ST6GALNAC5: variants seen among roughly 807,000 people sequenced by gnomAD.
The protein encoded by ST6GALNAC5 is alpha-N-acetylgalactosaminide alpha-2,6-sialyltransferase 5.
ST6GALNAC5 carries 27 observed loss-of-function variants against 33.6 expected under a neutral mutation model. That is an observed-to-expected ratio of 0.80 (90% CI 0.59 to 1.11). The LOEUF is 1.11. Ranked by LOEUF, ST6GALNAC5 falls within the 50% of genes least tolerant of loss-of-function variation. The pLI is 0.00. For synonymous variants in ST6GALNAC5, 194 were observed against 171.2 expected (o/e 1.13, Z -1.04); for missense variants, 428 against 454.0 (o/e 0.94, Z 0.52).
chr1:76,973,126 T>C (rs858593), intron 2 of ST6GALNAC5, among the ~76,000 whole-genome samples: 77,599 of 151,832 alleles, frequency 0.51, 20,206 homozygotes, highest in African/African-American at 0.61. Context: ...ATTTGCTTGC[T>C]TCTGGTTTTG....
At chr1:77,020,248 G>T (rs1006984393) in intron 2 of ST6GALNAC5, among the ~76,000 whole-genome samples, 1 of 152,184 alleles carries the variant, frequency 6.6e-6, no homozygotes, top group Admixed American at 6.5e-5. Flanking sequence ...TAAGTGCCGA[G>T]AATGTGGTTC....
chr1:77,009,546 G>A (rs1042683662), intron 2 of ST6GALNAC5, among the ~76,000 whole-genome samples: 4 of 152,014 alleles, frequency 2.6e-5, no homozygotes, highest in African/African-American at 9.7e-5. Context: ...GAGAGTGAAA[G>A]GCAAACTTTT....
chr1:77,010,675 C>A (rs1234394118), intron 2 of ST6GALNAC5, among the ~76,000 whole-genome samples: 1 of 127,004 alleles, frequency 7.9e-6, no homozygotes, highest in African/African-American at 3.0e-5. Context: ...CTCTAGGAGG[C>A]CAGGAGGCGC....
At chr1:76,873,229 A>T (rs1045226997) in intron 2 of ST6GALNAC5, among the ~76,000 whole-genome samples, 7 of 152,214 alleles carry the variant, frequency 4.6e-5, no homozygotes, top group Admixed American at 2.0e-4. Flanking sequence ...TCATTCAGTC[A>T]TCAGGTCACA....
chr1:77,032,851 T>C (rs1202588885), intron 2 of ST6GALNAC5, among the ~76,000 whole-genome samples: 2 of 152,190 alleles, frequency 1.3e-5, no homozygotes, highest in Non-Finnish European at 2.9e-5. Flanking sequence ...CTTTTGCATT[T>C]GACCATTAAT....
intron 2 of ST6GALNAC5, among the ~76,000 whole-genome samples, chr1:76,969,910 G>C (rs144519898): frequency 2.6e-5 from 4 of 152,014 alleles, no homozygotes; most frequent in African/African-American, 4.8e-5. Flanking sequence ...AGGCAAACAG[G>C]GTCTGGAGTG....
At chr1:76,990,943 C>T (rs1649698740) in intron 2 of ST6GALNAC5, among the ~76,000 whole-genome samples, 1 of 152,110 alleles carries the variant, frequency 6.6e-6, no homozygotes, top group South Asian at 2.1e-4. Flanking sequence ...AAGAGTATTG[C>T]ATAGCTAGGG....
chr1:77,012,954 T>C (rs1365586547), intron 2 of ST6GALNAC5, among the ~76,000 whole-genome samples: 1 of 152,108 alleles, frequency 6.6e-6, no homozygotes. Context: ...ACTTTAAACT[T>C]CTTAAGGGTT....
At chr1:76,973,793 T>A (rs963069266) in intron 2 of ST6GALNAC5, among the ~76,000 whole-genome samples, 1 of 152,178 alleles carries the variant, frequency 6.6e-6, no homozygotes, top group Admixed American at 6.5e-5. Context: ...GACTCAATTG[T>A]CCAAATATTG....
chr1:77,046,488 T>C (rs1449499173), intron 3 of ST6GALNAC5, among the ~76,000 whole-genome samples: 1 of 152,182 alleles, frequency 6.6e-6, no homozygotes, highest in Non-Finnish European at 1.5e-5. Flanking sequence ...GAGAAAGAGC[T>C]GGCTGTTGGC....
At chr1:76,977,761 T>C (rs751981006) in intron 2 of ST6GALNAC5, among the ~76,000 whole-genome samples, 6 of 152,228 alleles carry the variant, frequency 3.9e-5, no homozygotes, top group Non-Finnish European at 8.8e-5. Context: ...ATCTTTGCTA[T>C]TGTGAATAGC....
In ST6GALNAC5 at chr1:77,052,845, G is replaced by A. The variant is rs1028664116; in HGVS notation, c.779+2480G>A. Among the ~76,000 whole-genome samples, 3 of 150,428 alleles carry A rather than the reference G, an allele frequency of 2.0e-5. No homozygotes were observed. The East Asian group carries it at 5.9e-4, about 29-fold the overall frequency. On this transcript the variant is annotated intron_variant, in intron 4 of 4. Coordinates refer to ENST00000477717, the MANE Select transcript of ST6GALNAC5 (RefSeq NM_030965.3). ...GAGCATGAGAATCGCTTGAACCTGGGAGGCGGAGGATGCAGTGAGCCGAGA... is the reference window on the plus strand; with the variant it reads ...GAGCATGAGAATCGCTTGAACCTGGAAGGCGGAGGATGCAGTGAGCCGAGA...
In ST6GALNAC5 at chr1:77,044,334, A is replaced by G. The variant is rs1387818430; in HGVS notation, c.392A>G (p.Tyr131Cys). 9 of 1,613,882 alleles carry G rather than the reference A, an allele frequency of 5.6e-6. No homozygotes were observed. Among genetic ancestry groups the G allele is most frequent in the South Asian group, 1.1e-5 (1 of 91,082 alleles). ...ATGAATGACGCCCCCACACGCGGCT[A>G]TGGGCGTGACGTGGGCAATCGCACC... is the stretch of plus-strand genomic sequence containing the variant. ...IRMNDAPTRG[Y>C]GRDVGNRTSL... is the part of the protein sequence containing the mutation. Residue 131 changes from tyrosine to cysteine, a missense_variant, in exon 3 of 5, where the codon TAT becomes TGT. By Grantham distance (194) the Tyr-to-Cys change is radical. Coordinates refer to ENST00000477717, the MANE Select transcript of ST6GALNAC5 (RefSeq NM_030965.3).
chr1:77,034,711 G>C (rs1651587044), intron 2 of ST6GALNAC5, among the ~76,000 whole-genome samples: 1 of 152,220 alleles, frequency 6.6e-6, no homozygotes, highest in African/African-American at 2.4e-5. Flanking sequence ...AGGTGGTGCA[G>C]AGGAAGGCAG....
Position 76,868,425 on chromosome 1 carries a change from G to T in ST6GALNAC5, c.16-72G>T. Reference sequence around the variant, plus strand: ...CCACTAGAGTGACCACCGCACAGTTGTCCCCGCTGGGCGCGCTCCTCCGGT... The same window carrying T: ...CCACTAGAGTGACCACCGCACAGTTTTCCCCGCTGGGCGCGCTCCTCCGGT... On this transcript the variant is annotated intron_variant, in intron 1 of 4. Coordinates refer to ENST00000477717, the MANE Select transcript of ST6GALNAC5 (RefSeq NM_030965.3). This position sits in a 1 kb window ranked among gnomAD's most constrained non-coding sequence, Gnocchi z 4.3. The T allele has an allele frequency of 6.5e-7, 1 of 1,535,018 alleles. No individual in the cohort carries two copies. Among genetic ancestry groups the T allele is most frequent in the Non-Finnish European group, 8.8e-7 (1 of 1,139,052 alleles).
At chr1:77,003,947 G>C (rs1471916017) in intron 2 of ST6GALNAC5, among the ~76,000 whole-genome samples, 15 of 118,992 alleles carry the variant, frequency 1.3e-4, no homozygotes, top group African/African-American at 4.2e-4. Flanking sequence ...TTTCAACTTT[G>C]GTGAATCTGA....
chr1:76,975,371 A>C (rs1648965173), intron 2 of ST6GALNAC5, among the ~76,000 whole-genome samples: 1 of 152,164 alleles, frequency 6.6e-6, no homozygotes, highest in South Asian at 2.1e-4. Context: ...TTATATCTAT[A>C]TATTTCTTGA....
intron 2 of ST6GALNAC5, among the ~76,000 whole-genome samples, chr1:76,888,098 G>A (rs185691535): frequency 1.0e-3 from 159 of 152,292 alleles, no homozygotes; most frequent in Middle Eastern, 3.4e-3. Flanking sequence ...AGACACAACC[G>A]TGGATGTTTA....
chr1:76,903,259 A>C (rs1316412294), intron 2 of ST6GALNAC5, among the ~76,000 whole-genome samples: 2 of 152,208 alleles, frequency 1.3e-5, no homozygotes, highest in African/African-American at 4.8e-5. Context: ...TAGAAGGCAT[A>C]CAAATAGACA....
Sources: allele counts gnomAD v4.1 joint callset (sites outside exome capture counted in the v4.1 genomes callset), GRCh38; gene constraint gnomAD v4.1.1; non-coding constraint Gnocchi (gnomAD v3.1); transcripts MANE v1.5; gene names NCBI Gene and HGNC (gene_info 2026-07-23, HGNC 2026-07-21).